POC1B: variants seen among roughly 807,000 people sequenced by gnomAD.
The protein encoded by POC1B is POC1 centriolar protein homolog B.
Under a neutral mutation model 60.6 loss-of-function variants are expected in POC1B, and 44 were observed. The observed-to-expected ratio is 0.73, with a 90% confidence interval of 0.57 to 0.93. POC1B has a LOEUF of 0.93. Among genes scored for constraint, POC1B ranks in the 40% least tolerant of loss-of-function variants. POC1B has a pLI of 0.00. For synonymous variants in POC1B, 180 were observed against 198.9 expected (o/e 0.90, Z 0.80); for missense variants, 555 against 572.3 (o/e 0.97, Z 0.31).
At chr12:89,419,499 G>T (rs767205719), downstream of POC1B, among the ~76,000 whole-genome samples, 6 of 152,126 alleles carry the variant, frequency 3.9e-5, no homozygotes, top group Non-Finnish European at 8.8e-5. Context: ...CTAAAGTGTG[G>T]ACCTCAGGCC....
intron 4 of POC1B, among the ~76,000 whole-genome samples, chr12:89,489,751 AC>A (rs1180241306): frequency 6.6e-6 from 1 of 152,166 alleles, no homozygotes; most frequent in Non-Finnish European, 1.5e-5. Flanking sequence ...TCCCCTGCTG[AC>A]CACCTCTGTG....
chr12:89,518,074 G>A (rs909468690), intron 2 of POC1B, among the ~76,000 whole-genome samples: 1 of 151,846 alleles, frequency 6.6e-6, no homozygotes, highest in African/African-American at 2.4e-5. Context: ...TAGAAGGACT[G>A]CTCTAATTTT....
intron 1 of POC1B, chr12:89,525,535 C>A (rs1871386710): frequency 7.7e-7 from 1 of 1,295,374 alleles, no homozygotes; most frequent in Non-Finnish European, 9.7e-7. Flanking sequence ...TGCGAGGATG[C>A]GCCTCGGCTT....
chr12:89,485,754 A>G (rs1211339356), intron 4 of POC1B, among the ~76,000 whole-genome samples: 1 of 152,236 alleles, frequency 6.6e-6, no homozygotes, highest in Non-Finnish European at 1.5e-5. Flanking sequence ...TCACAAAAAT[A>G]ACTCTTCTCT....
intron 9 of POC1B, 169 bp from the exon 10 acceptor site, chr12:89,459,887 T>C: frequency 2.1e-6 from 1 of 475,092 alleles, no homozygotes; most frequent in Non-Finnish European, 3.7e-6. Flanking sequence ...GCCTACCAAT[T>C]CTATCAACGT....
chr12:89,475,511 A>G (rs1883068825), intron 4 of POC1B, among the ~76,000 whole-genome samples: 1 of 152,036 alleles, frequency 6.6e-6, no homozygotes, highest in African/African-American at 2.4e-5. Flanking sequence ...GATGATTTCT[A>G]TTTCCTCCTC....
Position 89,503,922 on chromosome 12 carries a change from G to T in POC1B, c.101-6580C>A, listed in dbSNP as rs537541873. ...GAGAAGTGAGGAGCCCCTCCGCCCCGCAGCCACCCTGTCTGGGAAGTGAGG... is the reference window on the plus strand; with the variant it reads ...GAGAAGTGAGGAGCCCCTCCGCCCCTCAGCCACCCTGTCTGGGAAGTGAGG... On this transcript the variant is annotated intron_variant, in intron 2 of 11. Coordinates refer to ENST00000313546, the MANE Select transcript of POC1B (RefSeq NM_172240.3). Among the ~76,000 whole-genome samples, 127 of 150,366 alleles carry T rather than the reference G, an allele frequency of 8.4e-4. 2 individuals carry two copies. Among genetic ancestry groups the T allele is most frequent in the African/African-American group, 3.0e-3 (121 of 40,590 alleles).
At chr12:89,416,984 C>G (rs1592785245), downstream of POC1B, among the ~76,000 whole-genome samples, 1 of 152,158 alleles carries the variant, frequency 6.6e-6, no homozygotes, top group Non-Finnish European at 1.5e-5. Context: ...AGCCTATCAA[C>G]TTACCTTCTT....
chr12:89,502,716 C>G (rs1387941155), intron 2 of POC1B: 1 of 1,351,254 alleles, frequency 7.4e-7, no homozygotes, highest in Non-Finnish European at 1.0e-6. Flanking sequence ...TTTTTTTCTA[C>G]TGGGAAATTG....
rs1050227364 is a variant in POC1B, at chr12:89,470,450, T to C, written c.721A>G (p.Asn241Asp). 1.2e-6 allele frequency: 2 copies of C among 1,608,130 alleles called. No individual in the cohort carries two copies. Among genetic ancestry groups the C allele is most frequent in the Non-Finnish European group, 1.7e-6 (2 of 1,175,632 alleles). ...TCTGAAGAAGCTGTGATGAGATAGT[T>C]ACCCGAAGGATGGAATGATATGCAA... ...VNCISFHPSG[N>D]YLITASSDGT... The change falls in exon 7 of 12, where the codon AAC becomes GAC. Residue 241 changes from asparagine (N) to aspartate (D), a missense_variant. Coordinates refer to ENST00000313546, the MANE Select transcript of POC1B (RefSeq NM_172240.3).
At chr12:89,408,743 T>C in the POC1B span, among the ~76,000 whole-genome samples, 1 of 152,206 alleles carries the variant, frequency 6.6e-6, no homozygotes, top group Non-Finnish European at 1.5e-5. Flanking sequence ...TGCCTCAGCC[T>C]CCCAGAGTGC....
intron 3 of POC1B, among the ~76,000 whole-genome samples, chr12:89,495,392 A>G (rs1869192357): frequency 6.6e-6 from 1 of 152,172 alleles, no homozygotes; most frequent in African/African-American, 2.4e-5. Flanking sequence ...ATCCATTATA[A>G]CATGTCACTT....
the POC1B span, among the ~76,000 whole-genome samples, chr12:89,404,556 T>C: frequency 2.0e-5 from 3 of 152,160 alleles, no homozygotes; most frequent in Non-Finnish European, 2.9e-5. Flanking sequence ...AGGTACAGTA[T>C]AATAACCAGC....
At chr12:89,493,615 T>C (rs1254377269) in intron 3 of POC1B, among the ~76,000 whole-genome samples, 4 of 152,210 alleles carry the variant, frequency 2.6e-5, no homozygotes, top group Admixed American at 2.6e-4. Context: ...ATCAGGAGTA[T>C]AGTTTGGCCT....
chr12:89,504,198 G>A (rs968044396), intron 2 of POC1B, among the ~76,000 whole-genome samples: 1 of 152,384 alleles, frequency 6.6e-6, no homozygotes, highest in East Asian at 1.9e-4. Flanking sequence ...AGAGAAATCA[G>A]ATTGTTGCTG....
intron 4 of POC1B, among the ~76,000 whole-genome samples, chr12:89,477,900 C>T (rs1319148700): frequency 1.3e-5 from 2 of 152,110 alleles, no homozygotes; most frequent in African/African-American, 4.8e-5. Flanking sequence ...TGCTCAGATG[C>T]TTCCCTGTGC....
At chr12:89,448,016 A>G (rs144594679) in intron 10 of POC1B, among the ~76,000 whole-genome samples, 1 of 152,278 alleles carries the variant, frequency 6.6e-6, no homozygotes, top group Non-Finnish European at 1.5e-5. Flanking sequence ...AAACTGGAAG[A>G]CATAGCCTGG....
intron 10 of POC1B, among the ~76,000 whole-genome samples, chr12:89,433,167 T>G (rs1258492500): frequency 1.4e-5 from 2 of 145,758 alleles, no homozygotes; most frequent in African/African-American, 5.6e-5. Context: ...TAAGCAACAA[T>G]TTTTTTTAGA....
intron 8 of POC1B, among the ~76,000 whole-genome samples, 175 bp downstream of exon 8, chr12:89,467,423 CTATTTGAGTTCCCAAAATT>C (rs1221568635): frequency 6.6e-6 from 1 of 152,130 alleles, no homozygotes; most frequent in African/African-American, 2.4e-5. Context: ...AAGAAAATAA[CTATTTGAGTTCCCAAAATT>C]TAGAACTGGC....
Sources: allele counts gnomAD v4.1 joint callset (sites outside exome capture counted in the v4.1 genomes callset), GRCh38; gene constraint gnomAD v4.1.1; transcripts MANE v1.5; gene names NCBI Gene and HGNC (gene_info 2026-07-23, HGNC 2026-07-21).